Variants in GNA14 observed in about 807,000 individuals in gnomAD.
GNA14 encodes the protein G protein subunit alpha 14.
Under a neutral mutation model 42.0 loss-of-function variants are expected in GNA14, and 50 were observed. That is an observed-to-expected ratio of 1.19 (90% CI 0.95 to 1.51). The LOEUF (loss-of-function observed/expected upper bound fraction) is 1.51. Ranked by LOEUF, GNA14 falls within the 40% of genes most tolerant of loss-of-function variation. GNA14 has a pLI of 0.00. For missense variants in GNA14, 473 were observed against 446.2 expected, an observed-to-expected ratio of 1.06 and a Z score of -0.54; for synonymous variants, 173 against 163.1, an observed-to-expected ratio of 1.06 and a Z score of -0.46.
intron 1 of GNA14, among the ~76,000 whole-genome samples, chr9:77,601,019 C>T (rs1489292834): frequency 1.3e-5 from 2 of 152,172 alleles, no homozygotes; most frequent in South Asian, 4.1e-4. Context: ...GATGCGCCTG[C>T]GCACTGGGAA....
chr9:77,493,024 A>ATATATAT (rs1424877123), intron 2 of GNA14, among the ~76,000 whole-genome samples: 35 of 73,428 alleles, frequency 4.8e-4, no homozygotes, highest in African/African-American at 1.8e-3. Flanking sequence ...AAAAAAAAAA[A>ATATATAT]AAATATATAT....
At chr9:77,506,676 GA>G (rs910762748) in intron 2 of GNA14, among the ~76,000 whole-genome samples, 25 of 147,308 alleles carry the variant, frequency 1.7e-4, no homozygotes, top group Admixed American at 8.8e-4. Context: ...ACTCCATCTC[GA>G]AAAAAAAAAA....
intron 2 of GNA14, among the ~76,000 whole-genome samples, chr9:77,506,605 A>T (rs1837074814): frequency 6.6e-6 from 1 of 152,116 alleles, no homozygotes; most frequent in African/African-American, 2.4e-5. Context: ...TGAACCCAGG[A>T]GGCGGAGGTT....
chr9:77,438,550 A>C (rs1023085895), intron 2 of GNA14, among the ~76,000 whole-genome samples: 9 of 151,742 alleles, frequency 5.9e-5, no homozygotes, highest in Non-Finnish European at 1.2e-4. Flanking sequence ...TTACAGGCAT[A>C]AGCCACCACG....
At chr9:77,437,178 T>C (rs923824031) in intron 2 of GNA14, among the ~76,000 whole-genome samples, 1 of 152,186 alleles carries the variant, frequency 6.6e-6, no homozygotes, top group Non-Finnish European at 1.5e-5. Context: ...TATCTCTCCT[T>C]CTCACAAACA....
chr9:77,635,427 C>A (rs1437490172), intron 1 of GNA14: 1 of 152,104 alleles, frequency 6.6e-6, no homozygotes, highest in Non-Finnish European at 1.5e-5. Flanking sequence ...GGGCTGATGG[C>A]AATACACAGA....
chr9:77,625,310 T>C (rs1823996266), intron 1 of GNA14, among the ~76,000 whole-genome samples: 1 of 152,096 alleles, frequency 6.6e-6, no homozygotes, highest in African/African-American at 2.4e-5. Context: ...TGGAACCAAA[T>C]TGGAAAACAG....
chr9:77,464,103 T>C (rs1836168068), intron 2 of GNA14, among the ~76,000 whole-genome samples: 3 of 152,034 alleles, frequency 2.0e-5, no homozygotes, highest in African/African-American at 7.3e-5. Context: ...TGGGCTCAAG[T>C]CATTGCCCTA....
At chr9:77,585,439 C>G (rs746784884) in intron 1 of GNA14, among the ~76,000 whole-genome samples, 6 of 152,164 alleles carry the variant, frequency 3.9e-5, no homozygotes, top group Non-Finnish European at 8.8e-5. Context: ...ACTATAGTCT[C>G]TTATCAATGA....
At chr9:77,580,353 T>C in intron 1 of GNA14, 1 of 339,488 alleles carries the variant, frequency 2.9e-6, no homozygotes, top group South Asian at 3.1e-5. Flanking sequence ...CATTGACGCG[T>C]CATGCCTTAG....
In GNA14 at chr9:77,608,472, G is replaced by A. The variant is rs143291103; in HGVS notation, c.124+39198C>T. ...CCCAGTCTCCTGGCTCTCTGGAAAG[G>A]CCCACCCCATGTGATTCTCTAAGGG... On this transcript the variant is annotated intron_variant, in intron 1 of 6. Transcript: ENST00000341700. Among the ~76,000 whole-genome samples the A allele has an allele frequency of 5.9e-5, 9 of 152,222 alleles. No homozygotes were observed. In the East Asian group the frequency reaches 1.4e-3, roughly 23 times the overall value.
At chr9:77,530,856 G>C (rs1837517221) in intron 1 of GNA14, among the ~76,000 whole-genome samples, 1 of 152,204 alleles carries the variant, frequency 6.6e-6, no homozygotes, top group Non-Finnish European at 1.5e-5. Context: ...AGGATAGGTA[G>C]ACACTGTCCT....
At chr9:77,453,009 G>A (rs1438110099) in intron 2 of GNA14, among the ~76,000 whole-genome samples, 1 of 152,022 alleles carries the variant, frequency 6.6e-6, no homozygotes. Context: ...CGGGTGGTGT[G>A]TGTACCTGCA....
chr9:77,573,532 C>G (rs1254771546), intron 1 of GNA14, among the ~76,000 whole-genome samples: 3 of 152,078 alleles, frequency 2.0e-5, no homozygotes, highest in Admixed American at 2.0e-4. Context: ...TAGGACACAA[C>G]TGATCTGCGC....
At chr9:77,456,634 C>T (rs1338346019) in intron 2 of GNA14, 1 of 152,096 alleles carries the variant, frequency 6.6e-6, no homozygotes, top group African/African-American at 2.4e-5. Context: ...CTAATATTCA[C>T]CGTGGAACTG....
In GNA14 at chr9:77,463,326, C is replaced by G. The variant is rs558289024; in HGVS notation, c.310-28804G>C. Among the ~76,000 whole-genome samples the G allele has an allele frequency of 9.2e-5, 14 of 152,236 alleles. No homozygotes were observed. In the South Asian group the frequency reaches 2.7e-3, roughly 29 times the overall value. ...ACTTCAGGCAATGCCAATAATAATT[C>G]TCTACTCAAGACAGCCAAGAACCAG... On this transcript the variant is annotated intron_variant, in intron 2 of 6. Transcript: ENST00000341700.
At chr9:77,491,914 T>A (rs1836783203) in intron 2 of GNA14, among the ~76,000 whole-genome samples, 1 of 152,170 alleles carries the variant, frequency 6.6e-6, no homozygotes, top group Non-Finnish European at 1.5e-5. Flanking sequence ...TGTCTTAGGC[T>A]ATAAAACAAC....
chr9:77,531,997 G>T (rs1012731301), intron 1 of GNA14, among the ~76,000 whole-genome samples: 1 of 152,146 alleles, frequency 6.6e-6, no homozygotes, highest in South Asian at 2.1e-4. Context: ...GCAAAAGAGG[G>T]CAGAGTAAAG....
At chr9:77,506,578 G>T (rs1338045378) in intron 2 of GNA14, among the ~76,000 whole-genome samples, 1 of 152,060 alleles carries the variant, frequency 6.6e-6, no homozygotes, top group East Asian at 1.9e-4. Flanking sequence ...TTGGGAGGCT[G>T]AAGCAGGAGA....
Sources: allele counts gnomAD v4.1 joint callset (sites outside exome capture counted in the v4.1 genomes callset), GRCh38; gene constraint gnomAD v4.1.1; transcripts MANE v1.5; gene names NCBI Gene and HGNC (gene_info 2026-07-23, HGNC 2026-07-21).